The following ADGRL3 variants were observed in gnomAD, a reference collection of about 807,000 sequenced individuals.
ADGRL3 encodes the protein adhesion G protein-coupled receptor L3, also known as calcium-independent alpha-latrotoxin receptor 3.
In ADGRL3, 62 loss-of-function variants were observed where a neutral mutation model predicts 153.5. The ratio of observed to expected loss-of-function variants is 0.40; its 90% CI spans 0.33 to 0.50. ADGRL3 has a LOEUF of 0.50. Among genes scored for constraint, ADGRL3 ranks in the 20% least tolerant of loss-of-function variants. The pLI is 0.47. For missense variants in ADGRL3, 1,641 were observed against 1,859.4 expected, an observed-to-expected ratio of 0.88 and a Z score of 2.16; for synonymous variants, 710 against 672.5, an observed-to-expected ratio of 1.06 and a Z score of -0.86.
chr4:61,449,005 C>T (rs1197333736), intron 2 of ADGRL3, among the ~76,000 whole-genome samples: 1 of 151,948 alleles, frequency 6.6e-6, no homozygotes, highest in Admixed American at 6.6e-5. Context: ...TTTAAATACA[C>T]TGAAGAAATT....
chr4:61,331,480 A>G (rs777344316), intron 1 of ADGRL3, among the ~76,000 whole-genome samples: 5 of 152,198 alleles, frequency 3.3e-5, no homozygotes, highest in Non-Finnish European at 5.9e-5. Flanking sequence ...GTTTCCTGGT[A>G]TTTCTTCTGT....
rs939918252 is a variant in ADGRL3, at chr4:62,076,688, C to T, written c.*5780C>T. 1 of 151,926 alleles carries T rather than the reference C, an allele frequency of 6.6e-6. No individual in the cohort carries two copies. Among genetic ancestry groups the T allele is most frequent in the Non-Finnish European group, 1.5e-5 (1 of 67,862 alleles). 9.4% of individuals were successfully genotyped at this position (151,926 alleles called of 1,614,324 possible). The stretch of plus-strand genomic sequence containing the variant: ...CGGGAAACATTAAATACTTTAAACA[C>T]TCTTGAGATATTTCGTATCTAGCTA... On this transcript the variant is annotated 3_prime_UTR_variant, in exon 27 of 27. Coordinates refer to ENST00000683033, the MANE Select transcript of ADGRL3 (RefSeq NM_001387552.1).
At chr4:62,023,790 A>G (rs1716689369) in intron 21 of ADGRL3, among the ~76,000 whole-genome samples, 1 of 152,180 alleles carries the variant, frequency 6.6e-6, no homozygotes, top group African/African-American at 2.4e-5. Context: ...CTACAATATA[A>G]TGTAAACATA....
chr4:61,225,093 A>G (rs2149084270), intron 1 of ADGRL3, among the ~76,000 whole-genome samples: 1 of 152,302 alleles, frequency 6.6e-6, no homozygotes, highest in South Asian at 2.1e-4. Context: ...TGGAAAAGGA[A>G]AGAAAAATAT....
chr4:61,410,250 T>C (rs1407778514), intron 2 of ADGRL3, among the ~76,000 whole-genome samples: 2 of 152,192 alleles, frequency 1.3e-5, no homozygotes, highest in African/African-American at 4.8e-5. Context: ...GATTTTTTCT[T>C]TCTTTTGACA....
At chr4:61,865,354 TGGGCA>T (rs1272924767) in intron 9 of ADGRL3, among the ~76,000 whole-genome samples, 1 of 152,084 alleles carries the variant, frequency 6.6e-6, no homozygotes, top group Non-Finnish European at 1.5e-5. Context: ...GGGTGTCATC[TGGGCA>T]GGATTTTTTT....
At chr4:61,590,267 T>A (rs2098964112) in intron 5 of ADGRL3, among the ~76,000 whole-genome samples, 1 of 152,148 alleles carries the variant, frequency 6.6e-6, no homozygotes, top group African/African-American at 2.4e-5. Flanking sequence ...TTTGGATATA[T>A]AAATGAATAA....
At chr4:62,010,282 C>T (rs1197593177) in intron 21 of ADGRL3, among the ~76,000 whole-genome samples, 1 of 152,058 alleles carries the variant, frequency 6.6e-6, no homozygotes, top group Non-Finnish European at 1.5e-5. Context: ...CTGAAGTTAT[C>T]TAGCCTCCCG....
chr4:61,296,298 A>G (rs2094409756), intron 1 of ADGRL3, among the ~76,000 whole-genome samples: 1 of 149,616 alleles, frequency 6.7e-6, no homozygotes, highest in South Asian at 2.1e-4. Context: ...GAGTCACAGG[A>G]AATGAAACAG....
chr4:61,611,448 G>C (rs893524561), intron 5 of ADGRL3, among the ~76,000 whole-genome samples: 4 of 152,106 alleles, frequency 2.6e-5, no homozygotes, highest in African/African-American at 9.6e-5. Flanking sequence ...TGTCATAGTA[G>C]CTATAGTAAA....
At chr4:61,243,880 A>G (rs1405152155) in intron 1 of ADGRL3, among the ~76,000 whole-genome samples, 4 of 152,094 alleles carry the variant, frequency 2.6e-5, no homozygotes, top group Admixed American at 2.0e-4. Context: ...AATAAACCTA[A>G]CCACACTATT....
intron 4 of ADGRL3, among the ~76,000 whole-genome samples, chr4:61,583,998 T>C (rs2098936415): frequency 6.6e-6 from 1 of 152,076 alleles, no homozygotes; most frequent in African/African-American, 2.4e-5. Context: ...GCATTTTCCA[T>C]GTTTTAGTGT....
intron 17 of ADGRL3, among the ~76,000 whole-genome samples, chr4:61,975,952 ATATCT>A (rs1182202280): frequency 3.3e-5 from 5 of 152,150 alleles, no homozygotes; most frequent in Non-Finnish European, 5.9e-5. Context: ...ATAATATTTG[ATATCT>A]TATCAAATAT....
chr4:61,306,438 G>A (rs1482500679), intron 1 of ADGRL3, among the ~76,000 whole-genome samples: 1 of 151,030 alleles, frequency 6.6e-6, no homozygotes, highest in Non-Finnish European at 1.5e-5. Context: ...TTAAAGATAA[G>A]CAGAGTTAAG....
chr4:61,955,895 C>A (rs1581622422), intron 17 of ADGRL3, among the ~76,000 whole-genome samples: 2 of 152,186 alleles, frequency 1.3e-5, no homozygotes, highest in African/African-American at 4.8e-5. Context: ...CATAGTATTT[C>A]ATGGTGCATA....
chr4:61,547,802 T>G (rs2148748115), intron 4 of ADGRL3, among the ~76,000 whole-genome samples: 1 of 152,246 alleles, frequency 6.6e-6, no homozygotes, highest in East Asian at 1.9e-4. Flanking sequence ...ATGATATTTC[T>G]TCTTTCAGTT....
At chr4:61,327,859 T>G (rs185730762) in intron 1 of ADGRL3, among the ~76,000 whole-genome samples, 249 of 152,172 alleles carry the variant, frequency 1.6e-3, no homozygotes, top group African/African-American at 5.8e-3. Context: ...TAATCCATGA[T>G]GATGTTCAGT....
intron 2 of ADGRL3, among the ~76,000 whole-genome samples, chr4:61,408,408 G>A (rs1324365141): frequency 6.6e-6 from 1 of 150,450 alleles, no homozygotes; most frequent in African/African-American, 2.5e-5. Flanking sequence ...GGTATTAGCT[G>A]CTGTCCTTTT....
At chr4:61,736,928 A>C (rs544115302) in intron 8 of ADGRL3, among the ~76,000 whole-genome samples, 3 of 152,334 alleles carry the variant, frequency 2.0e-5, no homozygotes, top group Admixed American at 6.5e-5. Flanking sequence ...TGCAGTTTAG[A>C]GGTGGAAAGA....
Sources: gnomAD v4.1 joint callset for allele counts (sites outside exome capture counted in the v4.1 genomes callset) on GRCh38, gnomAD v4.1.1 for gene constraint, MANE v1.5 for transcripts, NCBI Gene and HGNC (gene_info 2026-07-23, HGNC 2026-07-21) for gene names.